Variants in SLC9C2 observed in about 807,000 individuals in gnomAD.
SLC9C2 encodes the protein sodium/hydrogen exchanger 11.
In SLC9C2, 75 loss-of-function variants were observed where a neutral mutation model predicts 140.2. That is an observed-to-expected ratio of 0.53 (90% CI 0.44 to 0.65). The LOEUF (loss-of-function observed/expected upper bound fraction) is 0.65. Among genes scored for constraint, SLC9C2 ranks in the 30% least tolerant of loss-of-function variants. The probability of loss-of-function intolerance (pLI) is 0.00; values close to 1 mark genes in which losing one functional copy is unlikely to be tolerated. For missense variants in SLC9C2, 1,074 were observed against 1,331.8 expected (o/e 0.81, Z 3.01); for synonymous variants, 375 against 420.9 (o/e 0.89, Z 1.34).
At chr1:173,588,687 C>T (rs1558094430) in intron 4 of SLC9C2, among the ~76,000 whole-genome samples, 1 of 151,882 alleles carries the variant, frequency 6.6e-6, no homozygotes, top group African/African-American at 2.4e-5. Flanking sequence ...TGGAATTGTT[C>T]TATGTTTGTG....
At chr1:173,588,131 T>A (rs934850774) in intron 4 of SLC9C2, among the ~76,000 whole-genome samples, 7 of 152,212 alleles carry the variant, frequency 4.6e-5, no homozygotes, top group Non-Finnish European at 1.0e-4. Flanking sequence ...TGCTTCTATA[T>A]AAAACATATC....
At chr1:173,587,947 G>A in intron 4 of SLC9C2, 117 bp from the exon 5 acceptor site, 2 of 743,414 alleles carry the variant, frequency 2.7e-6, no homozygotes, top group Non-Finnish European at 4.1e-6. Flanking sequence ...TACCCTGGAA[G>A]ATAACTTTAA....
intron 26 of SLC9C2, among the ~76,000 whole-genome samples, 176 bp downstream of exon 26, chr1:173,505,071 G>T (rs957491894): frequency 2.6e-5 from 4 of 152,234 alleles, no homozygotes; most frequent in African/African-American, 9.7e-5. Context: ...GGGTCTGGAA[G>T]TCTCTCATAT....
At chr1:173,565,721 A>G (rs932443147) in intron 9 of SLC9C2, among the ~76,000 whole-genome samples, 1 of 152,032 alleles carries the variant, frequency 6.6e-6, no homozygotes, top group African/African-American at 2.4e-5. Flanking sequence ...AAATTTTAGA[A>G]TTATTTTTCT....
intron 6 of SLC9C2, 67 bp from the exon 7 acceptor site, chr1:173,582,075 G>A: frequency 7.9e-7 from 1 of 1,269,592 alleles, no homozygotes; most frequent in Non-Finnish European, 1.0e-6. Context: ...TTTCACTGAT[G>A]GCATTTGGGT....
chr1:173,599,194 C>T (rs1442405183), intron 3 of SLC9C2, among the ~76,000 whole-genome samples: 2 of 151,908 alleles, frequency 1.3e-5, no homozygotes, highest in East Asian at 1.9e-4. Context: ...TCTCAGCTCA[C>T]TGCAAGCTCC....
At chr1:173,515,766 T>C (rs1179924121) in intron 23 of SLC9C2, among the ~76,000 whole-genome samples, 2 of 152,184 alleles carry the variant, frequency 1.3e-5, no homozygotes, top group African/African-American at 4.8e-5. Context: ...TTTTCAGTGT[T>C]TTTTCGTTTA....
At chr1:173,543,485 A>T (rs1299171107) in intron 13 of SLC9C2, among the ~76,000 whole-genome samples, 1 of 152,230 alleles carries the variant, frequency 6.6e-6, no homozygotes, top group Non-Finnish European at 1.5e-5. Context: ...GACTTTCTTC[A>T]CAGAATTGGA....
At chr1:173,555,836 G>C (rs1663652080) in intron 10 of SLC9C2, among the ~76,000 whole-genome samples, 1 of 152,144 alleles carries the variant, frequency 6.6e-6, no homozygotes, top group African/African-American at 2.4e-5. Context: ...AGCACTTCCT[G>C]TTTGGGGAGT....
At chr1:173,574,272 C>T (rs979200665) in intron 8 of SLC9C2, among the ~76,000 whole-genome samples, 5 of 152,136 alleles carry the variant, frequency 3.3e-5, no homozygotes, top group African/African-American at 9.7e-5. Context: ...AATTTATGCT[C>T]GGAAAGAAGC....
chr1:173,599,351 C>T (rs1571647617), intron 3 of SLC9C2, among the ~76,000 whole-genome samples: 1 of 118,098 alleles, frequency 8.5e-6, no homozygotes, highest in Non-Finnish European at 1.7e-5. Context: ...AGCGCAAACA[C>T]ATTTTCCTTG....
Position 173,544,359 on chromosome 1 carries a change from C to T in SLC9C2, c.1557+3330G>A, listed in dbSNP as rs560991827. ...TGATCATTAAAAAGTCAGGAAACAACAGGTGCTGGAGAGGATGTGGAGAAT... is the reference window on the plus strand; with the variant it reads ...TGATCATTAAAAAGTCAGGAAACAATAGGTGCTGGAGAGGATGTGGAGAAT... On this transcript the variant is annotated intron_variant, in intron 13 of 27. Coordinates refer to ENST00000367714, the MANE Select transcript of SLC9C2 (RefSeq NM_178527.4). Among the ~76,000 whole-genome samples the T allele has an allele frequency of 6.6e-5, 10 of 152,278 alleles. No homozygotes were observed. The South Asian group carries it at 1.9e-3, about 28-fold the overall frequency.
chr1:173,524,661 G>A, intron 20 of SLC9C2, 118 bp downstream of exon 20: 1 of 1,060,908 alleles, frequency 9.4e-7, no homozygotes, highest in Non-Finnish European at 1.4e-6. Context: ...AAGGCTGAAG[G>A]TGATTATAGA....
rs368843526 is a variant in SLC9C2 at position 173,526,190 on chromosome 1, C to A, written c.2365+473G>T. Among the ~76,000 whole-genome samples, 90 of 152,314 alleles carry A rather than the reference C, an allele frequency of 5.9e-4. 1 individual carries two copies. The South Asian group carries it at 0.019, about 32-fold the overall frequency. ...AAAATCCCTGGGCTCCTGCTCTGTG[C>A]TTCAAATAAAGTGGAGTGACTGTAG... On this transcript the variant is annotated intron_variant, in intron 19 of 27. Transcript: ENST00000367714.
intron 13 of SLC9C2, among the ~76,000 whole-genome samples, chr1:173,541,427 A>G (rs1004689889): frequency 1.3e-5 from 2 of 152,210 alleles, no homozygotes; most frequent in African/African-American, 4.8e-5. Flanking sequence ...TTAACACCCC[A>G]CTGTCAATAT....
chr1:173,602,654 G>A (rs1195653095), intron 1 of SLC9C2, 97 bp downstream of exon 1: 1 of 152,164 alleles, frequency 6.6e-6, no homozygotes, highest in African/African-American at 2.4e-5. Context: ...CAGTGGTCCT[G>A]AGAAAGATTT....
intron 13 of SLC9C2, among the ~76,000 whole-genome samples, chr1:173,543,109 C>T (rs1662565919): frequency 6.6e-6 from 1 of 152,098 alleles, no homozygotes; most frequent in Admixed American, 6.5e-5. Context: ...TTTAGAAAAC[C>T]CCATTGTCTC....
intron 13 of SLC9C2, among the ~76,000 whole-genome samples, chr1:173,539,303 G>A (rs1480740272): frequency 6.6e-6 from 1 of 152,162 alleles, no homozygotes; most frequent in Non-Finnish European, 1.5e-5. Context: ...GAGACAAGGG[G>A]ACCAATTGAA....
At chr1:173,589,466 G>T in intron 4 of SLC9C2, among the ~76,000 whole-genome samples, 1 of 152,062 alleles carries the variant, frequency 6.6e-6, no homozygotes, top group African/African-American at 2.4e-5. Flanking sequence ...AAGCTGAGAT[G>T]GGAGGATCAC....
Sources: gnomAD v4.1 joint callset for allele counts (sites outside exome capture counted in the v4.1 genomes callset) on GRCh38, gnomAD v4.1.1 for gene constraint, MANE v1.5 for transcripts, NCBI Gene and HGNC (gene_info 2026-07-23, HGNC 2026-07-21) for gene names.